Variants in GLI2 observed in about 807,000 individuals in gnomAD.
GLI2 encodes transcription activator GLI2.
GLI2 carries 22 observed loss-of-function variants against 78.9 expected under a neutral mutation model. The observed-to-expected ratio is 0.28, with a 90% CI of 0.20 to 0.40. GLI2 has a LOEUF of 0.40. GLI2 is among the 10% of genes least tolerant of loss of function. GLI2 has a pLI of 1.00. For synonymous variants in GLI2, 974 were observed against 963.7 expected, an observed-to-expected ratio of 1.01 and a Z score of -0.20; for missense variants, 2,097 against 2,213.2, an observed-to-expected ratio of 0.95 and a Z score of 1.05.
intron 1 of GLI2, among the ~76,000 whole-genome samples, chr2:120,777,135 G>A (rs1178908803): frequency 6.6e-6 from 1 of 152,230 alleles, no homozygotes; most frequent in African/African-American, 2.4e-5. Flanking sequence ...GGATGAATGT[G>A]AGAGTGGGAA....
chr2:120,915,988 G>T lies in GLI2; in HGVS notation c.149-11373G>T, dbSNP rs774840746. Among the ~76,000 whole-genome samples, 138 of 152,194 alleles carry T rather than the reference G, an allele frequency of 9.1e-4. 1 individual carries two copies. The highest frequency in any genetic ancestry group is 1.8e-3 in the Non-Finnish European group (120 of 68,032). ...TAGTAGGCGCATGGACATGATAAAT[G>T]ATTTCCCCTTCCTTACTGTGCAACT... On this transcript the variant is annotated intron_variant, in intron 2 of 13. Coordinates refer to ENST00000361492, the MANE Select transcript of GLI2 (RefSeq NM_001374353.1).
At chr2:120,935,144 G>A (rs1001786416) in intron 3 of GLI2, among the ~76,000 whole-genome samples, 1 of 152,202 alleles carries the variant, frequency 6.6e-6, no homozygotes, top group African/African-American at 2.4e-5. Context: ...AGAGCCTAGA[G>A]GAAGGAGGAG....
At chr2:120,902,231 C>T (rs1678303003) in intron 2 of GLI2, among the ~76,000 whole-genome samples, 1 of 118,890 alleles carries the variant, frequency 8.4e-6, no homozygotes, top group Non-Finnish European at 1.6e-5. Context: ...CCCCCAAAAG[C>T]TGGTTGTTAA....
intron 2 of GLI2, among the ~76,000 whole-genome samples, chr2:120,915,906 C>T (rs1220612812): frequency 6.6e-6 from 1 of 152,224 alleles, no homozygotes; most frequent in East Asian, 1.9e-4. Context: ...TCAAATGTCT[C>T]CCCCACTCCC....
At chr2:120,860,473 G>A (rs1687853974) in intron 2 of GLI2, among the ~76,000 whole-genome samples, 1 of 152,220 alleles carries the variant, frequency 6.6e-6, no homozygotes, top group Non-Finnish European at 1.5e-5. Context: ...GAAGCTCAGA[G>A]GGCCCCCTGG....
intron 12 of GLI2, 27 bp downstream of exon 12, chr2:120,984,770 C>A: frequency 6.2e-7 from 1 of 1,609,370 alleles, no homozygotes; most frequent in Non-Finnish European, 8.5e-7. Context: ...AGCCCAGCCA[C>A]GCAAGGCGAC....
chr2:120,948,482 G>A (rs1038049079), intron 3 of GLI2, among the ~76,000 whole-genome samples: 43 of 152,134 alleles, frequency 2.8e-4, no homozygotes, highest in African/African-American at 2.7e-4. Flanking sequence ...CCGTGGAGGC[G>A]GAAGTCCCAG....
intron 1 of GLI2, among the ~76,000 whole-genome samples, chr2:120,794,639 C>T (rs3768700): frequency 0.084 from 12,751 of 151,744 alleles, 1,368 homozygotes; most frequent in African/African-American, 0.24. Context: ...GTGTGTGTGG[C>T]GAGGAGAGGA....
chr2:120,846,072 G>A (rs562304447), intron 2 of GLI2, among the ~76,000 whole-genome samples: 22 of 152,162 alleles, frequency 1.4e-4, no homozygotes, highest in Non-Finnish European at 1.9e-4. Context: ...AGGGGGGTCC[G>A]AAGCACGACT....
At position 120,959,033 on chromosome 2, in the gene GLI2, G is replaced by C. The variant is rs565483734; in HGVS notation, c.643+3603G>C. 8.5e-5 allele frequency among the ~76,000 whole-genome samples: 13 copies of C among 152,364 alleles called. No individual in the cohort carries two copies. The South Asian group carries it at 2.1e-3, about 24-fold the overall frequency. On this transcript the variant is annotated intron_variant, in intron 5 of 13. Coordinates refer to ENST00000361492, the MANE Select transcript of GLI2 (RefSeq NM_001374353.1). The stretch of plus-strand genomic sequence containing the variant: ...CCAGCTAAGGAAAGAAGCACTCGAG[G>C]AATGTAGCTGTTGGCTCACAGGGGA...
intron 2 of GLI2, among the ~76,000 whole-genome samples, chr2:120,833,004 A>G (rs1686437994): frequency 6.6e-6 from 1 of 152,120 alleles, no homozygotes; most frequent in African/African-American, 2.4e-5. Context: ...TCAGACATGG[A>G]AACTTGGGGC....
At chr2:120,813,486 G>GT (rs1390542824) in intron 2 of GLI2, among the ~76,000 whole-genome samples, 2 of 152,216 alleles carry the variant, frequency 1.3e-5, no homozygotes, top group Non-Finnish European at 2.9e-5. Flanking sequence ...TTGGGAGAGG[G>GT]AGAGCCAAGC....
At chr2:120,893,156 G>A (rs541058722) in intron 2 of GLI2, among the ~76,000 whole-genome samples, 1 of 152,354 alleles carries the variant, frequency 6.6e-6, no homozygotes, top group African/African-American at 2.4e-5. Flanking sequence ...CTGTAGTTTG[G>A]GAGGAAGGCT....
At chr2:120,783,645 T>C (rs184123712) in intron 1 of GLI2, among the ~76,000 whole-genome samples, 4 of 151,864 alleles carry the variant, frequency 2.6e-5, no homozygotes, top group Admixed American at 6.6e-5. Flanking sequence ...CAGGAGACAT[T>C]TTCCTTTTAT....
intron 2 of GLI2, among the ~76,000 whole-genome samples, chr2:120,865,673 C>G (rs1055350374): frequency 1.3e-5 from 2 of 152,208 alleles, no homozygotes; most frequent in Non-Finnish European, 2.9e-5. Context: ...ATAGAAGTGT[C>G]GCTGAAGCAG....
At chr2:120,745,248 C>CT (rs748458479) in intron 1 of GLI2, among the ~76,000 whole-genome samples, 1 of 152,180 alleles carries the variant, frequency 6.6e-6, no homozygotes, top group Non-Finnish European at 1.5e-5. Flanking sequence ...GGGATGCCTC[C>CT]TTTCTTTTTC....
intron 2 of GLI2, among the ~76,000 whole-genome samples, chr2:120,822,473 A>G (rs1396380099): frequency 2.0e-5 from 3 of 152,228 alleles, no homozygotes; most frequent in Non-Finnish European, 4.4e-5. Context: ...ATTAATACCA[A>G]GAGAGATGGT....
chr2:120,980,880 G>GTTAA (rs1347348739), intron 10 of GLI2, among the ~76,000 whole-genome samples: 1 of 151,052 alleles, frequency 6.6e-6, no homozygotes, highest in African/African-American at 2.5e-5. Context: ...TCCATTTGGA[G>GTTAA]TTAATTTTTT....
At chr2:120,948,051 C>G (rs1242080562) in intron 3 of GLI2, among the ~76,000 whole-genome samples, 1 of 152,196 alleles carries the variant, frequency 6.6e-6, no homozygotes, top group African/African-American at 2.4e-5. Context: ...TCTGGTCACA[C>G]CAAGGGAACA....
Sources: gnomAD v4.1 joint callset for allele counts (sites outside exome capture counted in the v4.1 genomes callset) on GRCh38, gnomAD v4.1.1 for gene constraint, MANE v1.5 for transcripts, NCBI Gene and HGNC (gene_info 2026-07-23, HGNC 2026-07-21) for gene names.